SCN11A: variants seen among roughly 807,000 people sequenced by gnomAD.
SCN11A encodes sodium voltage-gated channel alpha subunit 11.
SCN11A carries 122 observed loss-of-function variants against 162.2 expected under a neutral mutation model. The ratio of observed to expected loss-of-function variants is 0.75; its 90% confidence interval spans 0.65 to 0.87. The LOEUF (loss-of-function observed/expected upper bound fraction) is 0.87. Among genes scored for constraint, SCN11A ranks in the 40% least tolerant of loss-of-function variants. The probability of loss-of-function intolerance (pLI) is 0.00; values close to 1 mark genes in which losing one functional copy is unlikely to be tolerated. For missense variants in SCN11A, 2,015 were observed against 2,181.6 expected, an observed-to-expected ratio of 0.92 and a Z score of 1.52; for synonymous variants, 758 against 751.5, an observed-to-expected ratio of 1.01 and a Z score of -0.14.
At chr3:39,027,316 C>T (rs528597978) in intron 2 of SCN11A, among the ~76,000 whole-genome samples, 1 of 152,302 alleles carries the variant, frequency 6.6e-6, no homozygotes, top group East Asian at 1.9e-4. Context: ...GATAGATCCT[C>T]CTTCAGTTTT....
At chr3:38,944,518 G>C (rs935628500) in intron 7 of SCN11A, among the ~76,000 whole-genome samples, 3 of 151,532 alleles carry the variant, frequency 2.0e-5, no homozygotes, top group Non-Finnish European at 4.4e-5. Context: ...AGTAGAGATG[G>C]GGTTTCACCA....
intron 11 of SCN11A, among the ~76,000 whole-genome samples, chr3:38,919,091 A>T (rs565042484): frequency 3.3e-5 from 5 of 152,344 alleles, no homozygotes; most frequent in African/African-American, 1.2e-4. Context: ...ATACACAGAA[A>T]AGGCACTGTA....
intron 2 of SCN11A, among the ~76,000 whole-genome samples, chr3:38,966,643 T>C (rs901909498): frequency 6.6e-6 from 1 of 152,224 alleles, no homozygotes; most frequent in African/African-American, 2.4e-5. Context: ...CTTTGAAATA[T>C]AGAATACATT....
chr3:38,897,353 C>T (rs1035016843), intron 17 of SCN11A, 128 bp from the exon 18 acceptor site: 1 of 856,192 alleles, frequency 1.2e-6, no homozygotes, highest in African/African-American at 1.7e-5. Context: ...AAAGTTAAAT[C>T]TATCCTGAAC....
intron 28 of SCN11A, among the ~76,000 whole-genome samples, chr3:38,858,659 G>A (rs1380768380): frequency 6.6e-6 from 1 of 152,076 alleles, no homozygotes; most frequent in African/African-American, 2.4e-5. Flanking sequence ...TAGAACAAAT[G>A]AAATTAACAG....
chr3:38,847,640 A>G lies in SCN11A; in HGVS notation c.4430T>C (p.Val1477Ala). ...AGTCCTGATTCCTCGTGCAGCCCGG[A>G]CAAGCCTCAGGATTCGGCCAATCCG... ...LARIGRILRL[V>A]RAARGIRTLL... The change falls in exon 30 of 30, where the codon GTC (valine) becomes GCC (alanine). Residue 1477 changes from valine (V) to alanine (A), a missense_variant. Transcript: ENST00000302328. 1 of 1,614,150 alleles carries G rather than the reference A, an allele frequency of 6.2e-7. No homozygotes were observed. Among genetic ancestry groups the G allele is most frequent in the Non-Finnish European group, 8.5e-7 (1 of 1,180,002 alleles).
chr3:38,956,426 T>G (rs992385182), intron 3 of SCN11A, among the ~76,000 whole-genome samples: 1 of 152,220 alleles, frequency 6.6e-6, no homozygotes, highest in African/African-American at 2.4e-5. Context: ...AAATAAGACG[T>G]ACTTCAAAAG....
At chr3:39,042,462 A>G (rs146744911) in intron 1 of SCN11A, among the ~76,000 whole-genome samples, 1 of 152,358 alleles carries the variant, frequency 6.6e-6, no homozygotes, top group East Asian at 1.9e-4. Context: ...TCACAAGCAC[A>G]AGCAACCAAA....
chr3:38,877,985 G>C (rs2065247369), intron 23 of SCN11A, among the ~76,000 whole-genome samples: 1 of 151,476 alleles, frequency 6.6e-6, no homozygotes, highest in South Asian at 2.1e-4. Flanking sequence ...AGGACACAAA[G>C]TTGTAAGAAT....
At chr3:38,886,982 A>T (rs1046701845) in intron 19 of SCN11A, among the ~76,000 whole-genome samples, 1 of 152,082 alleles carries the variant, frequency 6.6e-6, no homozygotes, top group Non-Finnish European at 1.5e-5. Flanking sequence ...GACAACCTGC[A>T]TATGTGTTAC....
chr3:38,859,851 A>C (rs907855039), intron 28 of SCN11A, among the ~76,000 whole-genome samples: 1 of 152,194 alleles, frequency 6.6e-6, no homozygotes, highest in African/African-American at 2.4e-5. Flanking sequence ...CCTTTGCAGG[A>C]CTAACAAATT....
rs62244134 is a variant in SCN11A, at chr3:38,847,273, G to A, written c.4797C>T (p.Tyr1599=). The A allele has an allele frequency of 0.12, 194,009 of 1,613,932 alleles. 12,780 individuals carry two copies. The highest frequency in any genetic ancestry group is 0.13 in the Non-Finnish European group (155,811 of 1,179,852). ...TGAAGTTCTCTAAAATCACAGCAAT[G>A]TACATGTTGACAACAATGAGAAAGG... The part of the protein sequence containing the change: ...IISFLIVVNM[Y]IAVILENFNT... Residue 1599 remains tyrosine, a synonymous_variant, in exon 30 of 30, where the codon TAC becomes TAT. Coordinates refer to ENST00000302328, the MANE Select transcript of SCN11A (RefSeq NM_001349253.2).
rs775174123 is a variant in SCN11A at position 38,910,097 on chromosome 3, G to A, written c.1070C>T (p.Thr357Ile). 1.9e-6 allele frequency: 3 copies of A among 1,613,842 alleles called. No homozygotes were observed. In the South Asian group the frequency reaches 3.3e-5, roughly 18 times the overall value. ...ATAAAGCTTCTCCCAGGAATCTTGG[G>A]TCATCAGCCGGAACATGGCAAGAAA... ...WSFLAMFRLM[T>I]QDSWEKLYQQ... Residue 357 changes from threonine to isoleucine, a missense_variant, in exon 12 of 30, where the codon ACC becomes ATC. Coordinates refer to ENST00000302328, the MANE Select transcript of SCN11A (RefSeq NM_001349253.2).
chr3:38,931,777 C>T (rs530285039), intron 7 of SCN11A, among the ~76,000 whole-genome samples: 1 of 152,338 alleles, frequency 6.6e-6, no homozygotes, highest in South Asian at 2.1e-4. Context: ...CACCATCATA[C>T]CTCTAGCGGG....
At chr3:38,994,968 C>G (rs1338050670) in intron 2 of SCN11A, among the ~76,000 whole-genome samples, 1 of 152,086 alleles carries the variant, frequency 6.6e-6, no homozygotes, top group Non-Finnish European at 1.5e-5. Context: ...ATTCTACCTC[C>G]CTACCTCCTC....
chr3:38,870,114 C>T (rs1031019784), intron 26 of SCN11A, among the ~76,000 whole-genome samples: 6 of 152,196 alleles, frequency 3.9e-5, no homozygotes, highest in African/African-American at 1.4e-4. Context: ...TATCCCTCAA[C>T]TTTCCAAGCT....
At chr3:39,014,980 T>C (rs1380373491) in intron 2 of SCN11A, among the ~76,000 whole-genome samples, 1 of 152,206 alleles carries the variant, frequency 6.6e-6, no homozygotes, top group Non-Finnish European at 1.5e-5. Flanking sequence ...TGTGGGAAAG[T>C]CCATGCTGTT....
intron 23 of SCN11A, among the ~76,000 whole-genome samples, chr3:38,875,962 A>G (rs1233769604): frequency 2.6e-5 from 4 of 152,198 alleles, no homozygotes; most frequent in Non-Finnish European, 5.9e-5. Flanking sequence ...CTCTAACTGT[A>G]CTATAAGGCC....
At chr3:39,004,717 A>C (rs1306227830) in intron 2 of SCN11A, among the ~76,000 whole-genome samples, 1 of 152,016 alleles carries the variant, frequency 6.6e-6, no homozygotes, top group African/African-American at 2.4e-5. Flanking sequence ...AGTGTTTTGT[A>C]ATTTTCATTG....
Sources: gnomAD v4.1 joint callset for allele counts (sites outside exome capture counted in the v4.1 genomes callset) on GRCh38, gnomAD v4.1.1 for gene constraint, MANE v1.5 for transcripts, NCBI Gene and HGNC (gene_info 2026-07-23, HGNC 2026-07-21) for gene names.